Variants in DPP6 observed in about 807,000 individuals in gnomAD.
The protein encoded by DPP6 is A-type potassium channel modulatory protein DPP6.
In DPP6, 69 loss-of-function variants were observed where a neutral mutation model predicts 122.6. The observed-to-expected ratio is 0.56, with a 90% CI of 0.46 to 0.69. The LOEUF is 0.69. Among genes scored for constraint, DPP6 ranks in the 30% least tolerant of loss-of-function variants. The pLI is 0.00. For missense variants in DPP6, 928 were observed against 1,116.9 expected, an observed-to-expected ratio of 0.83 and a Z score of 2.41; for synonymous variants, 418 against 433.1, an observed-to-expected ratio of 0.97 and a Z score of 0.43.
chr7:153,765,653 A>G, the DPP6 span, among the ~76,000 whole-genome samples: 464 of 152,258 alleles, frequency 3.0e-3, no homozygotes, highest in African/African-American at 0.011. Flanking sequence ...ATTTTGGTTT[A>G]TGTGATTTTA....
chr7:154,582,431 TCTC>T (rs1265488066), intron 5 of DPP6, among the ~76,000 whole-genome samples: 2 of 152,210 alleles, frequency 1.3e-5, no homozygotes, highest in East Asian at 1.9e-4. Context: ...CTGCTTTGGT[TCTC>T]CTCCTTGGAC....
intron 1 of DPP6, among the ~76,000 whole-genome samples, chr7:154,128,532 G>T (rs1449551505): frequency 2.0e-5 from 3 of 152,236 alleles, no homozygotes; most frequent in Middle Eastern, 3.4e-3. Flanking sequence ...CTCCCGAGTA[G>T]CTGGGACTAC....
intron 3 of DPP6, among the ~76,000 whole-genome samples, chr7:154,539,712 T>G (rs1237986912): frequency 6.6e-6 from 1 of 152,110 alleles, no homozygotes; most frequent in Non-Finnish European, 1.5e-5. Flanking sequence ...GGGTCAAAGA[T>G]CTTTCTAATT....
At chr7:153,910,679 G>T (rs1195527194) in intron 1 of DPP6, among the ~76,000 whole-genome samples, 2 of 152,104 alleles carry the variant, frequency 1.3e-5, no homozygotes, top group African/African-American at 4.8e-5. Context: ...AGCCAAAACA[G>T]AACTGGATTT....
chr7:154,531,456 G>T (rs897286681), intron 3 of DPP6, among the ~76,000 whole-genome samples: 1 of 152,046 alleles, frequency 6.6e-6, no homozygotes, highest in African/African-American at 2.4e-5. Flanking sequence ...CAAGAATAAA[G>T]GTTAAATGAC....
chr7:154,485,864 A>G (rs1418652116), intron 3 of DPP6, among the ~76,000 whole-genome samples: 1 of 152,062 alleles, frequency 6.6e-6, no homozygotes, highest in African/African-American at 2.4e-5. Context: ...ACATATGTAT[A>G]CATGTGCCAT....
Position 154,575,462 on chromosome 7 carries a change from G to A in DPP6, c.627+8546G>A, listed in dbSNP as rs1311282997. 1.5e-4 allele frequency among the ~76,000 whole-genome samples: 2 copies of A among 13,060 alleles called. 1 individual carries two copies. The highest frequency in any genetic ancestry group is 1.8e-3 in the Admixed American group (2 of 1,114). The allele number at this position is 13,060 out of a possible 152,430, so 8.6% of individuals were successfully genotyped here. ...GTGTGGTGTGTGTATGTGTGTGNGC[G>A]GGTGTATGTGTGTGGTGTGTGTGTG... is the stretch of plus-strand genomic sequence containing the variant. On this transcript the variant is annotated intron_variant, in intron 5 of 25. Coordinates refer to ENST00000377770, the MANE Select transcript of DPP6 (RefSeq NM_130797.4).
intron 1 of DPP6, chr7:154,305,482 G>C (rs1255918264): frequency 1.3e-5 from 21 of 1,595,840 alleles, no homozygotes; most frequent in Non-Finnish European, 1.7e-5. Flanking sequence ...GGTGGGAAGC[G>C]CCTGGACAGA....
Position 154,729,841 on chromosome 7 carries a change from C to G in DPP6, c.883+1954C>G, listed in dbSNP as rs560168742. ...AGAATCAACCCTGAGATTTTATTGT[C>G]ACATGAGTCCTTGGCTACACCTGAA... On this transcript the variant is annotated intron_variant, in intron 8 of 25. Coordinates refer to ENST00000377770, the MANE Select transcript of DPP6 (RefSeq NM_130797.4). 4.1e-4 allele frequency among the ~76,000 whole-genome samples: 63 copies of G among 152,302 alleles called. 1 individual carries two copies. The highest frequency in any genetic ancestry group is 8.8e-4 in the Non-Finnish European group (60 of 68,028).
chr7:154,503,657 A>G (rs2129655884), intron 3 of DPP6, among the ~76,000 whole-genome samples: 1 of 144,200 alleles, frequency 6.9e-6, no homozygotes, highest in East Asian at 1.9e-4. Flanking sequence ...TGTGACCCTC[A>G]TAGCCACAAC....
At chr7:153,782,954 A>T in the DPP6 span, among the ~76,000 whole-genome samples, 2 of 151,986 alleles carry the variant, frequency 1.3e-5, no homozygotes, top group African/African-American at 4.8e-5. Flanking sequence ...ATAGACCACC[A>T]CTCTGCTGCC....
At chr7:154,789,040 C>T (rs553383463) in intron 10 of DPP6, among the ~76,000 whole-genome samples, 2 of 152,294 alleles carry the variant, frequency 1.3e-5, no homozygotes, top group East Asian at 3.9e-4. Context: ...TTATTCTGCA[C>T]CATTTGACCC....
chr7:154,278,281 C>G (rs961938414), intron 1 of DPP6, among the ~76,000 whole-genome samples: 1 of 152,204 alleles, frequency 6.6e-6, no homozygotes, highest in African/African-American at 2.4e-5. Context: ...AAATCTAACT[C>G]AGAACCCTTT....
chr7:153,758,129 C>G, the DPP6 span, among the ~76,000 whole-genome samples: 1 of 152,122 alleles, frequency 6.6e-6, no homozygotes, highest in Admixed American at 6.5e-5. Context: ...TCCAGCAAGT[C>G]CTTTAGGGAA....
intron 1 of DPP6, among the ~76,000 whole-genome samples, chr7:154,142,220 G>A (rs922985378): frequency 2.0e-5 from 3 of 150,958 alleles, no homozygotes; most frequent in Non-Finnish European, 3.0e-5. Flanking sequence ...ATTTAAATGC[G>A]AGAATATAAA....
At position 153,898,400 on chromosome 7, in the gene DPP6, T is replaced by A. The variant is rs1799498806; in HGVS notation, c.51+10666T>A. Among the ~76,000 whole-genome samples the A allele has an allele frequency of 2.0e-5, 3 of 152,130 alleles. No individual in the cohort carries two copies. In the South Asian group the frequency reaches 6.2e-4, roughly 32 times the overall value. On this transcript the variant is annotated intron_variant, in intron 1 of 25. Transcript: ENST00000404039. Reference sequence around the variant, plus strand: ...CCAGGAGTTCAAGGTTAAAGTGAGCTGTGATGGTGCCACGGCACTCCAGCC... The same window carrying A: ...CCAGGAGTTCAAGGTTAAAGTGAGCAGTGATGGTGCCACGGCACTCCAGCC...
At chr7:154,065,762 T>G (rs1241152579) in intron 1 of DPP6, among the ~76,000 whole-genome samples, 1 of 152,198 alleles carries the variant, frequency 6.6e-6, no homozygotes, top group Admixed American at 6.5e-5. Context: ...ATCAGTGGCA[T>G]AGAGGCCCTG....
Position 153,988,754 on chromosome 7 carries a change from A to C in DPP6, c.51+101020A>C, listed in dbSNP as rs564024942. 5.3e-5 allele frequency among the ~76,000 whole-genome samples: 8 copies of C among 152,278 alleles called. No individual in the cohort carries two copies. In the South Asian group the frequency reaches 1.7e-3, roughly 32 times the overall value. On this transcript the variant is annotated intron_variant, in intron 1 of 25. Transcript: ENST00000404039. Reference sequence around the variant, plus strand: ...TAGGAAATCATGGAAATGAGGAATGATCTAGCCTCCAGCAGTGAGTCGGAG... The same window carrying C: ...TAGGAAATCATGGAAATGAGGAATGCTCTAGCCTCCAGCAGTGAGTCGGAG...
At chr7:154,717,618 T>A (rs1362073285) in intron 7 of DPP6, among the ~76,000 whole-genome samples, 2 of 152,224 alleles carry the variant, frequency 1.3e-5, no homozygotes, top group African/African-American at 4.8e-5. Context: ...TATACATGCA[T>A]ACCACATTTT....
Sources: gnomAD v4.1 joint callset for allele counts (sites outside exome capture counted in the v4.1 genomes callset) on GRCh38, gnomAD v4.1.1 for gene constraint, MANE v1.5 for transcripts, NCBI Gene and HGNC (gene_info 2026-07-23, HGNC 2026-07-21) for gene names.